The following MAPK14 variants were observed in gnomAD, a reference collection of about 807,000 sequenced individuals.
MAPK14 encodes mitogen-activated protein kinase 14.
A neutral mutation model predicts 49.6 loss-of-function variants in MAPK14; 16 were observed. The ratio of observed to expected loss-of-function variants is 0.32; its 90% CI spans 0.22 to 0.49. The LOEUF (loss-of-function observed/expected upper bound fraction) is 0.49. Among genes scored for constraint, MAPK14 ranks in the 20% least tolerant of loss-of-function variants. MAPK14 has a pLI of 0.99. For missense variants in MAPK14, 200 were observed against 441.2 expected (o/e 0.45, Z 4.90); for synonymous variants, 142 against 158.0 (o/e 0.90, Z 0.76).
intron 8 of MAPK14, among the ~76,000 whole-genome samples, chr6:36,084,228 A>G (rs993221543): frequency 1.3e-5 from 2 of 152,208 alleles, no homozygotes; most frequent in Middle Eastern, 3.2e-3. Flanking sequence ...AGGTAAAGTC[A>G]TGAAGATGAG....
At position 36,109,359 on chromosome 6, in the gene MAPK14, C is replaced by T. The variant is rs1327681596; in HGVS notation, c.*912C>T. The T allele has an allele frequency of 1.3e-5, 2 of 152,634 alleles. No individual in the cohort carries two copies. Among genetic ancestry groups the T allele is most frequent in the Non-Finnish European group, 2.9e-5 (2 of 68,062 alleles). The allele number at this position is 152,634 out of a possible 1,614,324, so 9.5% of individuals were successfully genotyped here. A position where few individuals can be genotyped will look rare whatever the true frequency, so the allele number is the denominator to read the frequency against. Reference sequence around the variant, plus strand: ...TGTACTTCCTGTGTACTCTTTATTTCTAGCAGAGTGAGGATGTGTTTTGCA... The same window carrying T: ...TGTACTTCCTGTGTACTCTTTATTTTTAGCAGAGTGAGGATGTGTTTTGCA... On this transcript the variant is annotated 3_prime_UTR_variant, in exon 12 of 12. Transcript: ENST00000229794.
At chr6:36,122,391 C>G in the MAPK14 span, among the ~76,000 whole-genome samples, 1 of 152,206 alleles carries the variant, frequency 6.6e-6, no homozygotes, top group Non-Finnish European at 1.5e-5. Flanking sequence ...GCCCCAGGCA[C>G]GAAGGTGAGT....
chr6:36,092,177 G>T (rs1581832611), intron 8 of MAPK14: 1 of 528,236 alleles, frequency 1.9e-6, no homozygotes. Context: ...TTTGGCTTGG[G>T]CCTTACATTT....
chr6:36,075,740 T>A, intron 6 of MAPK14, 108 bp from the exon 7 acceptor site: 1 of 1,460,222 alleles, frequency 6.8e-7, no homozygotes, highest in Admixed American at 1.8e-5. Flanking sequence ...TATTTTGTTC[T>A]CCTTTTTAAT....
At chr6:36,103,196 A>C (rs1416818897) in intron 10 of MAPK14, among the ~76,000 whole-genome samples, 1 of 151,924 alleles carries the variant, frequency 6.6e-6, no homozygotes, top group Non-Finnish European at 1.5e-5. Context: ...CTGTTTGTGG[A>C]GCTTATTTGC....
At chr6:36,064,822 G>T (rs1333383039) in intron 3 of MAPK14, among the ~76,000 whole-genome samples, 1 of 152,202 alleles carries the variant, frequency 6.6e-6, no homozygotes, top group Non-Finnish European at 1.5e-5. Context: ...TGGGAGAGAA[G>T]AACAATGTAA....
At position 36,034,389 on chromosome 6, in the gene MAPK14, G is replaced by A. The variant is rs569158988; in HGVS notation, c.116+6116G>A. Among the ~76,000 whole-genome samples, 4 of 152,312 alleles carry A rather than the reference G, an allele frequency of 2.6e-5. No individual in the cohort carries two copies. In the East Asian group the frequency reaches 7.7e-4, roughly 29 times the overall value. The stretch of plus-strand genomic sequence containing the variant: ...AAGTTGGGACTGTCTGTACATGTTT[G>A]TGTTACATAAGTATAGGATATAAAT... On this transcript the variant is annotated intron_variant, in intron 1 of 11. Transcript: ENST00000229794.
intron 5 of MAPK14, 59 bp from the exon 6 acceptor site, chr6:36,073,990 G>C (rs1272475413): frequency 1.6e-6 from 2 of 1,235,326 alleles, no homozygotes; most frequent in Non-Finnish European, 2.4e-6. Flanking sequence ...TTACCTGTAG[G>C]GGGAGAATTG....
At chr6:36,064,181 T>G (rs1763945497) in intron 3 of MAPK14, among the ~76,000 whole-genome samples, 1 of 151,940 alleles carries the variant, frequency 6.6e-6, no homozygotes, top group Non-Finnish European at 1.5e-5. Flanking sequence ...CCTTGCTATG[T>G]TGCCTTGGTT....
chr6:36,073,557 GTTAC>G lies in MAPK14; in HGVS notation c.418-130_418-127del, dbSNP rs1328727481. 6 of 680,254 alleles carry G rather than the reference GTTAC, an allele frequency of 8.8e-6. No individual in the cohort carries two copies. The Admixed American group carries it at 1.4e-4, about 15-fold the overall frequency. The allele number at this position is 680,254 out of a possible 1,614,324, so 42.1% of individuals were successfully genotyped here. ...ATGGTAAATGTACACAATACTGATA[GTTAC>G]TTATGCTGATTTCTAATCTTACTAT... On this transcript the variant is annotated intron_variant, in intron 4 of 11. Transcript: ENST00000229794.
rs570400337 is a variant in MAPK14 at position 36,038,455 on chromosome 6, A to G, written c.116+10182A>G. On this transcript the variant is annotated intron_variant, in intron 1 of 11. Coordinates refer to ENST00000229794, the MANE Select transcript of MAPK14 (RefSeq NM_139012.3). The stretch of plus-strand genomic sequence containing the variant: ...CTTATTTGCCTTTGTACAGACTGTG[A>G]CTTTTCCTTTAAGTGAGAGGGGAAG... Among the ~76,000 whole-genome samples, 7 of 152,286 alleles carry G rather than the reference A, an allele frequency of 4.6e-5. No homozygotes were observed. In the East Asian group the frequency reaches 1.3e-3, roughly 29 times the overall value.
chr6:36,100,092 CTGTT>C, intron 9 of MAPK14: 8 of 816,526 alleles, frequency 9.8e-6, no homozygotes, highest in Non-Finnish European at 1.5e-5. Context: ...GTTTTTTTGT[CTGTT>C]TGGGGGTGGC....
chr6:36,081,251 A>G (rs918446233), intron 8 of MAPK14, among the ~76,000 whole-genome samples: 1 of 152,146 alleles, frequency 6.6e-6, no homozygotes, highest in Non-Finnish European at 1.5e-5. Context: ...GCCAAATTCA[A>G]GGTCATGAAT....
chr6:36,112,926 T>C (rs985459823), downstream of MAPK14, among the ~76,000 whole-genome samples: 2 of 152,204 alleles, frequency 1.3e-5, no homozygotes, highest in African/African-American at 2.4e-5. Context: ...GATAAATACA[T>C]TGGCTTCAGG....
chr6:36,067,769 A>G (rs548375871), intron 3 of MAPK14, among the ~76,000 whole-genome samples: 71 of 152,182 alleles, frequency 4.7e-4, no homozygotes, highest in Non-Finnish European at 9.3e-4. Flanking sequence ...TCTTTGGCAC[A>G]TGTATTTCAA....
intron 3 of MAPK14, among the ~76,000 whole-genome samples, chr6:36,059,733 G>T (rs1249678385): frequency 6.6e-6 from 1 of 152,084 alleles, no homozygotes; most frequent in African/African-American, 2.4e-5. Context: ...GCCCAGGCTG[G>T]ACTCAAGCTC....
At chr6:36,095,915 T>G in intron 8 of MAPK14, 72 bp from the exon 9 acceptor site, 1 of 961,048 alleles carries the variant, frequency 1.0e-6, no homozygotes, top group Non-Finnish European at 1.6e-6. Flanking sequence ...TTGTTTGTTT[T>G]TGTTTTGTTT....
intron 1 of MAPK14, among the ~76,000 whole-genome samples, chr6:36,034,361 G>T (rs1762655264): frequency 6.6e-6 from 1 of 152,204 alleles, no homozygotes; most frequent in Non-Finnish European, 1.5e-5. Context: ...GTACATTTAT[G>T]TAAAGTTGGG....
intron 1 of MAPK14, among the ~76,000 whole-genome samples, chr6:36,044,614 C>T (rs75668864): frequency 0.018 from 2,727 of 152,266 alleles, 77 homozygotes; most frequent in African/African-American, 0.061. Flanking sequence ...GTGGCTCATG[C>T]CTGTAACCCA....
Sources: allele counts gnomAD v4.1 joint callset (sites outside exome capture counted in the v4.1 genomes callset), GRCh38; gene constraint gnomAD v4.1.1; transcripts MANE v1.5; gene names NCBI Gene and HGNC (gene_info 2026-07-23, HGNC 2026-07-21).